The following ANK3 variants were observed in gnomAD, a reference collection of about 807,000 sequenced individuals.
ANK3 encodes ankyrin-3.
In ANK3, 57 loss-of-function variants were observed where a neutral mutation model predicts 370.9. That is an observed-to-expected ratio of 0.15 (90% CI 0.12 to 0.19). The LOEUF (loss-of-function observed/expected upper bound fraction) is 0.19. ANK3 is among the 10% of genes least tolerant of loss of function. ANK3 has a pLI of 1.00. For synonymous variants in ANK3, 1,929 were observed against 1,946.3 expected (o/e 0.99, Z 0.23); for missense variants, 4,439 against 5,302.1 (o/e 0.84, Z 5.06).
At chr10:60,695,430 C>G (rs1264879516) in intron 1 of ANK3, among the ~76,000 whole-genome samples, 1 of 152,152 alleles carries the variant, frequency 6.6e-6, no homozygotes, top group Admixed American at 6.5e-5. Flanking sequence ...CTCTCCACCC[C>G]AAATCAACAG....
At chr10:60,310,079 C>G (rs2046034154) in intron 1 of ANK3, among the ~76,000 whole-genome samples, 1 of 151,958 alleles carries the variant, frequency 6.6e-6, no homozygotes, top group Non-Finnish European at 1.5e-5. Flanking sequence ...TTATGTGCCA[C>G]TATACCCAGC....
chr10:60,142,843 T>C (rs545125510), intron 23 of ANK3, among the ~76,000 whole-genome samples: 23 of 152,324 alleles, frequency 1.5e-4, no homozygotes, highest in African/African-American at 5.3e-4. Context: ...ATTCTTTTAA[T>C]GCTGTTTTCC....
At chr10:60,276,413 T>A (rs531189692) in intron 4 of ANK3, among the ~76,000 whole-genome samples, 3 of 152,182 alleles carry the variant, frequency 2.0e-5, no homozygotes, top group African/African-American at 7.2e-5. Context: ...CCAGGAATTA[T>A]CATTGAAACT....
chr10:60,595,070 A>T (rs1329913058), intron 2 of ANK3, among the ~76,000 whole-genome samples: 1 of 152,198 alleles, frequency 6.6e-6, no homozygotes, highest in East Asian at 1.9e-4. Flanking sequence ...GATATGAAGC[A>T]CAGAACCTGT....
At chr10:60,269,848 T>C (rs955571138) in intron 5 of ANK3, among the ~76,000 whole-genome samples, 1 of 152,076 alleles carries the variant, frequency 6.6e-6, no homozygotes, top group Non-Finnish European at 1.5e-5. Flanking sequence ...GCCAAAATTG[T>C]AAGAGACAGA....
intron 1 of ANK3, among the ~76,000 whole-genome samples, chr10:60,295,234 C>T (rs1241067785): frequency 6.6e-6 from 1 of 152,148 alleles, no homozygotes; most frequent in Non-Finnish European, 1.5e-5. Context: ...ACCCAGGATG[C>T]CTAAGTTCAC....
chr10:60,413,658 A>T (rs2063603759), intron 2 of ANK3, among the ~76,000 whole-genome samples: 1 of 152,236 alleles, frequency 6.6e-6, no homozygotes, highest in African/African-American at 2.4e-5. Context: ...GGGACTCGAA[A>T]TGTTCTATTC....
chr10:60,705,808 G>GTTTTT (rs34858011), intron 1 of ANK3, among the ~76,000 whole-genome samples: 1 of 133,446 alleles, frequency 7.5e-6, no homozygotes, highest in Non-Finnish European at 1.6e-5. Flanking sequence ...TCTACTAGAG[G>GTTTTT]TTTTTTTTTT....
rs1369906645 is a variant in ANK3 at position 60,071,930 on chromosome 10, G to A, written c.8951C>T (p.Ala2984Val). The change falls in exon 37 of 44, where the codon GCA (alanine) becomes GTA (valine). Residue 2984 changes from alanine (A) to valine (V), a missense_variant. This residue lies in a region of ANK3 where 1,601 missense variants were observed against 1,731.7 expected (regional missense o/e 0.92). Transcript: ENST00000280772. Reference sequence around the variant, plus strand: ...TTGTGATAGTTCATGTTTTGGAAATGCCGACTGTTCACAAAAACCATCGGG... The same window carrying A: ...TTGTGATAGTTCATGTTTTGGAAATACCGACTGTTCACAAAAACCATCGGG... ...NIPDGFCEQS[A>V]FPKHELSQKL... is the part of the protein sequence containing the mutation. 2 of 1,614,036 alleles carry A rather than the reference G, an allele frequency of 1.2e-6. No homozygotes were observed. The highest frequency in any genetic ancestry group is 2.2e-5 in the East Asian group (1 of 44,864).
chr10:60,105,846 G>A (rs1468896969), intron 28 of ANK3, 59 bp downstream of exon 28: 2 of 1,510,962 alleles, frequency 1.3e-6, no homozygotes, highest in African/African-American at 1.4e-5. Context: ...ATGTAATCTA[G>A]TCATTCCTTT....
intron 39 of ANK3, 148 bp downstream of exon 39, chr10:60,064,009 G>T: frequency 1.5e-6 from 1 of 668,136 alleles, no homozygotes; most frequent in South Asian, 3.4e-5. Flanking sequence ...AACTTCAAAA[G>T]ACTTGCTATT....
rs571831157 is a variant in ANK3 at position 60,326,840 on chromosome 10, T to G, written c.115-47201A>C. On this transcript the variant is annotated intron_variant, in intron 1 of 43. Coordinates refer to ENST00000280772, the MANE Select transcript of ANK3 (RefSeq NM_020987.5). ...ATCGAGACCATCCTGGCTAACACAG[T>G]GAAACCCCGTCTCTACTAAAAATAC... is the stretch of plus-strand genomic sequence containing the variant. Among the ~76,000 whole-genome samples the G allele has an allele frequency of 7.9e-5, 12 of 151,610 alleles. No homozygotes were observed. In the East Asian group the frequency reaches 1.2e-3, roughly 15 times the overall value.
chr10:60,470,244 T>G (rs1014361905), intron 2 of ANK3, among the ~76,000 whole-genome samples: 2 of 152,132 alleles, frequency 1.3e-5, no homozygotes, highest in Non-Finnish European at 2.9e-5. Flanking sequence ...GTTGTTATTT[T>G]AGTTGGATAG....
chr10:60,461,002 C>G (rs1016810620), intron 2 of ANK3, among the ~76,000 whole-genome samples: 1 of 152,166 alleles, frequency 6.6e-6, no homozygotes, highest in African/African-American at 2.4e-5. Flanking sequence ...TCTAGTGGAA[C>G]ACTGGCTGGA....
chr10:60,682,295 G>A (rs1564544541), intron 1 of ANK3, among the ~76,000 whole-genome samples: 1 of 152,128 alleles, frequency 6.6e-6, no homozygotes, highest in Non-Finnish European at 1.5e-5. Context: ...GTTTTCCAGT[G>A]GAAGGCACGT....
At chr10:60,275,470 CT>C (rs1179523729) in intron 4 of ANK3, among the ~76,000 whole-genome samples, 3 of 152,078 alleles carry the variant, frequency 2.0e-5, no homozygotes, top group Admixed American at 6.6e-5. Flanking sequence ...TATGGCCAGC[CT>C]TTGCACATCA....
chr10:60,141,507 G>T (rs938056883), intron 23 of ANK3, among the ~76,000 whole-genome samples: 6 of 149,244 alleles, frequency 4.0e-5, no homozygotes, highest in Non-Finnish European at 8.8e-5. Context: ...GAAAAAACTA[G>T]CAGGACTTCC....
At chr10:60,170,478 G>A (rs930899896) in intron 21 of ANK3, among the ~76,000 whole-genome samples, 2 of 152,208 alleles carry the variant, frequency 1.3e-5, no homozygotes, top group Non-Finnish European at 2.9e-5. Flanking sequence ...TGGTGTCTCA[G>A]CTTGAGATAA....
chr10:60,541,143 T>A (rs1741403873), intron 2 of ANK3, among the ~76,000 whole-genome samples: 1 of 151,856 alleles, frequency 6.6e-6, no homozygotes, highest in African/African-American at 2.4e-5. Context: ...AAAGAACATA[T>A]AATATTATCT....
Sources: allele counts gnomAD v4.1 joint callset (sites outside exome capture counted in the v4.1 genomes callset), GRCh38; gene constraint gnomAD v4.1.1; regional missense constraint gnomAD v4.1.1; transcripts MANE v1.5; gene names NCBI Gene and HGNC (gene_info 2026-07-23, HGNC 2026-07-21).